SGIP1: variants seen among roughly 807,000 people sequenced by gnomAD.
SGIP1 encodes SH3GL interacting endocytic adaptor 1.
In SGIP1, 38 loss-of-function variants were observed where a neutral mutation model predicts 107.5. The observed-to-expected ratio is 0.35, with a 90% CI of 0.27 to 0.46. SGIP1 has a LOEUF of 0.46. Among genes scored for constraint, SGIP1 ranks in the 20% least tolerant of loss-of-function variants. The pLI, the probability that SGIP1 is intolerant of heterozygous loss-of-function variation, is 1.00. For missense variants in SGIP1, 929 were observed against 1,019.5 expected, an observed-to-expected ratio of 0.91 and a Z score of 1.21; for synonymous variants, 365 against 366.1, an observed-to-expected ratio of 1.00 and a Z score of 0.03.
chr1:66,556,996 A>AT (rs2058276996), intron 1 of SGIP1, among the ~76,000 whole-genome samples: 1 of 152,062 alleles, frequency 6.6e-6, no homozygotes, highest in Non-Finnish European at 1.5e-5. Flanking sequence ...TAACATTCAG[A>AT]TTTTTTGTAT....
At chr1:66,608,886 A>G (rs908249139) in intron 1 of SGIP1, among the ~76,000 whole-genome samples, 2 of 151,350 alleles carry the variant, frequency 1.3e-5, no homozygotes, top group South Asian at 2.1e-4. Context: ...TGCTGTATGT[A>G]TGATACATGC....
chr1:66,620,260 C>A (rs762174660), intron 1 of SGIP1, among the ~76,000 whole-genome samples: 1 of 152,040 alleles, frequency 6.6e-6, no homozygotes, highest in East Asian at 1.9e-4. Flanking sequence ...GAGAAAAACA[C>A]CAGTAAACAC....
chr1:66,718,166 A>G (rs557234775), intron 18 of SGIP1, among the ~76,000 whole-genome samples: 1 of 152,276 alleles, frequency 6.6e-6, no homozygotes, highest in African/African-American at 2.4e-5. Context: ...GAAGAGGACA[A>G]AAGTTATTGA....
intron 8 of SGIP1, among the ~76,000 whole-genome samples, chr1:66,664,002 T>C (rs1002907853): frequency 6.6e-6 from 1 of 152,172 alleles, no homozygotes; most frequent in Non-Finnish European, 1.5e-5. Context: ...CTAGACTCTA[T>C]TTTTCATATT....
chr1:66,586,569 GTAAAGTA>G (rs1445543464), intron 1 of SGIP1, among the ~76,000 whole-genome samples: 2 of 152,026 alleles, frequency 1.3e-5, no homozygotes, highest in African/African-American at 4.8e-5. Context: ...ACCAATTTGA[GTAAAGTA>G]TAAAACCTTA....
At chr1:66,630,814 AGAAAG>A in intron 2 of SGIP1, among the ~76,000 whole-genome samples, 1 of 5,246 alleles carries the variant, frequency 1.9e-4, no homozygotes, top group Non-Finnish European at 2.9e-4. Flanking sequence ...AAAGAAAGAA[AGAAAG>A]AAAGAAAGAA....
Position 66,636,004 on chromosome 1 carries a change from A to G in SGIP1, c.160A>G (p.Lys54Glu). 1 of 1,613,800 alleles carries G rather than the reference A, an allele frequency of 6.2e-7. No individual in the cohort carries two copies. The highest frequency in any genetic ancestry group is 8.5e-7 in the Non-Finnish European group (1 of 1,179,834). Residue 54 changes from lysine to glutamate, a missense_variant, in exon 4 of 25, where the codon AAA (lysine) becomes GAA (glutamate). Physicochemically the swap from Lys to Glu is moderately conservative, Grantham distance 56. Transcript: ENST00000371037. ...AGCAGAGTGTGCGCGTGAAGGAGGAAAAAAAGTTTCGGTAAGGAAACAGAT... is the reference window on the plus strand; with the variant it reads ...AGCAGAGTGTGCGCGTGAAGGAGGAGAAAAAGTTTCGGTAAGGAAACAGAT... ...SKAECAREGG[K>E]KVSKKSNGAP...
chr1:66,699,211 T>C (rs924680872), intron 18 of SGIP1, among the ~76,000 whole-genome samples: 1 of 152,134 alleles, frequency 6.6e-6, no homozygotes, highest in African/African-American at 2.4e-5. Flanking sequence ...TCTTCAGTCT[T>C]CTGTGGATCG....
intron 1 of SGIP1, among the ~76,000 whole-genome samples, chr1:66,566,863 C>T (rs897195753): frequency 6.6e-6 from 1 of 151,854 alleles, no homozygotes; most frequent in Non-Finnish European, 1.5e-5. Context: ...CCTCCCCTTG[C>T]CCCCCACCCC....
Position 66,719,330 on chromosome 1 carries a change from C to G in SGIP1, c.1667C>G (p.Ala556Gly), listed in dbSNP as rs368153315. 2 of 1,613,328 alleles carry G rather than the reference C, an allele frequency of 1.2e-6. No individual in the cohort carries two copies. Among genetic ancestry groups the G allele is most frequent in the Non-Finnish European group, 1.7e-6 (2 of 1,179,674 alleles). The change falls in exon 19 of 25, where the codon GCT (alanine) becomes GGT (glycine). Residue 556 changes from alanine (A) to glycine (G), a missense_variant. Coordinates refer to ENST00000371037, the MANE Select transcript of SGIP1 (RefSeq NM_032291.4). Reference protein sequence around the residue: ...SRGPSPLTMGAQDTLPVAAAF... With the variant: ...SRGPSPLTMGGQDTLPVAAAF... The stretch of plus-strand genomic sequence containing the variant: ...GGACCCAGCCCCCTAACCATGGGAG[C>G]TCAGGACACTCTCCCTGTTGCAGCA...
At chr1:66,583,475 C>A (rs1265906517) in intron 1 of SGIP1, among the ~76,000 whole-genome samples, 1 of 152,114 alleles carries the variant, frequency 6.6e-6, no homozygotes, top group Admixed American at 6.5e-5. Context: ...TGCTCAAAGG[C>A]TGGTTTCACC....
At chr1:66,681,389 G>A (rs905342484) in intron 14 of SGIP1, among the ~76,000 whole-genome samples, 3 of 152,146 alleles carry the variant, frequency 2.0e-5, no homozygotes, top group Admixed American at 2.0e-4. Context: ...TACAAGAGTA[G>A]ACAATCTTTA....
At chr1:66,641,344 G>A (rs557422639) in intron 5 of SGIP1, among the ~76,000 whole-genome samples, 1 of 151,988 alleles carries the variant, frequency 6.6e-6, no homozygotes, top group East Asian at 1.9e-4. Context: ...TTTTAATGGG[G>A]GCTTTTTCCA....
At chr1:66,714,277 G>A (rs1378977100) in intron 18 of SGIP1, among the ~76,000 whole-genome samples, 1 of 152,074 alleles carries the variant, frequency 6.6e-6, no homozygotes, top group Non-Finnish European at 1.5e-5. Context: ...GTAAGCCAAA[G>A]AGCCAGGATT....
At chr1:66,650,137 C>T (rs2078453450) in intron 7 of SGIP1, among the ~76,000 whole-genome samples, 1 of 152,212 alleles carries the variant, frequency 6.6e-6, no homozygotes, top group Non-Finnish European at 1.5e-5. Flanking sequence ...GAGCCAAGAC[C>T]AGTAATTAAT....
At chr1:66,635,353 C>A (rs547868376) in intron 3 of SGIP1, among the ~76,000 whole-genome samples, 1 of 152,328 alleles carries the variant, frequency 6.6e-6, no homozygotes, top group East Asian at 1.9e-4. Flanking sequence ...CTAATTTATG[C>A]AGGGCAAACT....
intron 8 of SGIP1, among the ~76,000 whole-genome samples, chr1:66,662,619 T>C (rs531045910): frequency 2.0e-4 from 30 of 152,218 alleles, no homozygotes; most frequent in South Asian, 6.2e-4. Context: ...ATATAAATTT[T>C]AGAAATATAC....
At position 66,743,287 on chromosome 1, in the gene SGIP1, TA is replaced by T. The variant is rs1412309637; in HGVS notation, c.*193del. 1 of 509,772 alleles carries T rather than the reference TA, an allele frequency of 2.0e-6. No individual in the cohort carries two copies. The highest frequency in any genetic ancestry group is 3.5e-6 in the Non-Finnish European group (1 of 286,426). The allele number at this position is 509,772 out of a possible 1,614,324, so 31.6% of individuals were successfully genotyped here. A position where few individuals can be genotyped will look rare whatever the true frequency, so the allele number is the denominator to read the frequency against. ...TGACCAGTCCTACAGTATTTACTTC[TA>T]GGTGTAATATTGTTAATGGTTTTAA... On this transcript the variant is annotated 3_prime_UTR_variant, in exon 25 of 25. Transcript: ENST00000371037.
chr1:66,668,075 C>T (rs1480178755), intron 9 of SGIP1, among the ~76,000 whole-genome samples: 1 of 152,266 alleles, frequency 6.6e-6, no homozygotes, highest in East Asian at 1.9e-4. Flanking sequence ...TATTCCTAGG[C>T]TATCACATAA....
Sources: gnomAD v4.1 joint callset for allele counts (sites outside exome capture counted in the v4.1 genomes callset) on GRCh38, gnomAD v4.1.1 for gene constraint, MANE v1.5 for transcripts, NCBI Gene and HGNC (gene_info 2026-07-23, HGNC 2026-07-21) for gene names.